NRG1: variants seen among roughly 807,000 people sequenced by gnomAD.
The protein encoded by NRG1 is neuregulin 1.
Under a neutral mutation model 63.8 loss-of-function variants are expected in NRG1, and 18 were observed. That is an observed-to-expected ratio of 0.28 (90% CI 0.19 to 0.42). The LOEUF (loss-of-function observed/expected upper bound fraction) is 0.42. NRG1 is among the 10% of genes least tolerant of loss of function. The pLI, the probability that NRG1 is intolerant of heterozygous loss-of-function variation, is 1.00. For missense variants in NRG1, 762 were observed against 814.7 expected, an observed-to-expected ratio of 0.94 and a Z score of 0.79; for synonymous variants, 302 against 301.3, an observed-to-expected ratio of 1.00 and a Z score of -0.02.
intron 1 of NRG1, among the ~76,000 whole-genome samples, chr8:32,331,122 G>A (rs1039055786): frequency 1.3e-5 from 2 of 151,878 alleles, no homozygotes; most frequent in Non-Finnish European, 1.5e-5. Flanking sequence ...AAATAGAGTC[G>A]TTACGCAAGT....
chr8:31,768,715 C>T (rs909564773), intron 1 of NRG1, among the ~76,000 whole-genome samples: 11 of 152,182 alleles, frequency 7.2e-5, no homozygotes, highest in Admixed American at 5.2e-4. Context: ...ACCCTAAGTA[C>T]AGTTTCTCCT....
intron 5 of NRG1, among the ~76,000 whole-genome samples, chr8:32,702,769 A>C (rs1815294289): frequency 6.6e-6 from 1 of 152,208 alleles, no homozygotes; most frequent in Non-Finnish European, 1.5e-5. Context: ...GGTGTGAGCC[A>C]CCATGCCAGG....
intron 1 of NRG1, among the ~76,000 whole-genome samples, chr8:31,739,132 C>A (rs905972670): frequency 2.6e-5 from 4 of 152,098 alleles, no homozygotes; most frequent in African/African-American, 7.2e-5. Flanking sequence ...AGTAGTATTT[C>A]TGGCTCTACT....
At chr8:32,530,309 G>A (rs949518703) in intron 1 of NRG1, among the ~76,000 whole-genome samples, 23 of 152,100 alleles carry the variant, frequency 1.5e-4, no homozygotes, top group Middle Eastern at 6.8e-3. Flanking sequence ...GGGTTTCACC[G>A]TGTTAGCCAG....
intron 1 of NRG1, among the ~76,000 whole-genome samples, chr8:32,104,405 G>A (rs1484849105): frequency 6.6e-6 from 1 of 152,146 alleles, no homozygotes. Flanking sequence ...TGAGTGAGTG[G>A]TGAGAGAGTG....
intron 5 of NRG1, among the ~76,000 whole-genome samples, chr8:32,703,583 T>C (rs890382074): frequency 3.3e-5 from 5 of 152,112 alleles, no homozygotes; most frequent in African/African-American, 1.2e-4. Context: ...TAATTCACTT[T>C]CTTCTGGTCA....
At chr8:32,760,630 A>G (rs1407578413) in intron 11 of NRG1, 3 of 1,349,350 alleles carry the variant, frequency 2.2e-6, no homozygotes, top group Admixed American at 3.1e-5. Flanking sequence ...ACAGACTCTT[A>G]AAGAGCTGGG....
intron 1 of NRG1, among the ~76,000 whole-genome samples, chr8:32,259,586 A>G (rs1163113200): frequency 6.6e-6 from 1 of 152,158 alleles, no homozygotes; most frequent in Non-Finnish European, 1.5e-5. Flanking sequence ...CAGAAAACAG[A>G]CAAGACATAA....
intron 1 of NRG1, among the ~76,000 whole-genome samples, chr8:32,419,756 A>C (rs976803733): frequency 6.6e-6 from 1 of 152,300 alleles, no homozygotes; most frequent in Middle Eastern, 3.4e-3. Context: ...GGTAAACAAG[A>C]GGTTAGAATA....
intron 1 of NRG1, among the ~76,000 whole-genome samples, chr8:31,991,197 G>A (rs16878628): frequency 0.042 from 6,403 of 152,050 alleles, 337 homozygotes; most frequent in African/African-American, 0.13. Context: ...AATTTTTTAA[G>A]TGATCGAGTA....
intron 1 of NRG1, among the ~76,000 whole-genome samples, chr8:31,653,948 T>G (rs1481696253): frequency 1.0e-5 from 1 of 97,046 alleles, no homozygotes; most frequent in African/African-American, 3.9e-5. Flanking sequence ...TTGAGTTTCA[T>G]GATGCGCTTT....
intron 5 of NRG1, among the ~76,000 whole-genome samples, chr8:32,635,094 G>A (rs1225927507): frequency 3.9e-5 from 6 of 152,164 alleles, no homozygotes; most frequent in East Asian, 1.9e-4. Context: ...AAGGTGACTC[G>A]GACCTTACCA....
chr8:31,829,743 C>T (rs776074822), intron 1 of NRG1, among the ~76,000 whole-genome samples: 16 of 152,156 alleles, frequency 1.1e-4, no homozygotes, highest in African/African-American at 3.1e-4. Context: ...TATGACCATA[C>T]GTAGGAACCT....
chr8:32,664,301 G>GAA (rs371276521), intron 5 of NRG1, among the ~76,000 whole-genome samples: 1 of 142,430 alleles, frequency 7.0e-6, no homozygotes, highest in Non-Finnish European at 1.5e-5. Context: ...AGTTTGAGGT[G>GAA]AAAAAAAAAA....
intron 5 of NRG1, among the ~76,000 whole-genome samples, chr8:32,634,176 A>T (rs904700689): frequency 7.9e-5 from 12 of 151,340 alleles, no homozygotes; most frequent in Non-Finnish European, 1.3e-4. Flanking sequence ...AAAACTTTGA[A>T]AAAGCATACA....
chr8:32,004,849 A>G (rs1279843306), intron 1 of NRG1, among the ~76,000 whole-genome samples: 1 of 151,852 alleles, frequency 6.6e-6, no homozygotes, highest in Non-Finnish European at 1.5e-5. Flanking sequence ...CAGAGGCAAA[A>G]ATGTACTAGG....
intron 1 of NRG1, among the ~76,000 whole-genome samples, chr8:32,106,804 A>C (rs1247159325): frequency 6.6e-6 from 1 of 152,256 alleles, no homozygotes; most frequent in Non-Finnish European, 1.5e-5. Flanking sequence ...TGTCAAAATC[A>C]AATTAAGAAT....
intron 1 of NRG1, among the ~76,000 whole-genome samples, chr8:32,189,140 A>G (rs545369788): frequency 1.2e-4 from 18 of 152,244 alleles, no homozygotes; most frequent in African/African-American, 4.1e-4. Flanking sequence ...CATTTGCTTT[A>G]GATTCAGGGG....
At chr8:31,944,138 C>T (rs1014675708) in intron 1 of NRG1, among the ~76,000 whole-genome samples, 30 of 152,084 alleles carry the variant, frequency 2.0e-4, no homozygotes, top group African/African-American at 7.0e-4. Context: ...TGTGCTAATT[C>T]TGTCTCTTTA....
Sources: allele counts gnomAD v4.1 joint callset (sites outside exome capture counted in the v4.1 genomes callset), GRCh38; gene constraint gnomAD v4.1.1; transcripts MANE v1.5; gene names NCBI Gene and HGNC (gene_info 2026-07-23, HGNC 2026-07-21).